TIAM2: variants seen among roughly 807,000 people sequenced by gnomAD.
The protein encoded by TIAM2 is TIAM Rac1 associated GEF 2, also known as rho guanine nucleotide exchange factor TIAM2.
Under a neutral mutation model 152.9 loss-of-function variants are expected in TIAM2, and 80 were observed. The observed-to-expected ratio is 0.52, with a 90% CI of 0.44 to 0.63. The LOEUF (loss-of-function observed/expected upper bound fraction) is 0.63, where lower values mean the gene tolerates loss of function less well. TIAM2 is among the 30% of genes least tolerant of loss of function. The pLI is 0.00. For missense variants in TIAM2, 1,965 were observed against 2,120.1 expected, an observed-to-expected ratio of 0.93 and a Z score of 1.44; for synonymous variants, 804 against 838.0, an observed-to-expected ratio of 0.96 and a Z score of 0.70.
chr6:155,215,336 C>T lies in TIAM2; in HGVS notation c.3168+4029C>T, dbSNP rs951637218. Among the ~76,000 whole-genome samples, 11 of 152,246 alleles carry T rather than the reference C, an allele frequency of 7.2e-5. 4 individuals carry two copies. Among genetic ancestry groups the T allele is most frequent in the Admixed American group, 6.5e-4 (10 of 15,282 alleles). On this transcript the variant is annotated intron_variant, in intron 15 of 26. Transcript: ENST00000682666. ...GCAATCAGGTTGAAATTGGGGCCGT[C>T]TGAGCTTCAATTTTCATTGTTAAAA... is the stretch of plus-strand genomic sequence containing the variant.
intron 9 of TIAM2, among the ~76,000 whole-genome samples, chr6:155,175,490 G>T (rs1206931972): frequency 6.6e-6 from 1 of 152,276 alleles, no homozygotes; most frequent in East Asian, 1.9e-4. Flanking sequence ...GGTATGTAAG[G>T]TGTTTCACAT....
chr6:155,131,842 A>C (rs1400465839), intron 4 of TIAM2, among the ~76,000 whole-genome samples: 1 of 152,098 alleles, frequency 6.6e-6, no homozygotes, highest in Non-Finnish European at 1.5e-5. Context: ...GCCTCCCAAC[A>C]TGCTGGGATT....
Position 155,137,423 on chromosome 6 carries a change from GA to G in TIAM2, c.1444del (p.Thr482ProfsTer59). On this transcript the variant is annotated frameshift_variant, in exon 5 of 27. Transcript: ENST00000682666. LOFTEE classifies it high-confidence loss of function. ...CACTGAGAACATAGAAACATCTACA[GA>G]AACCGCCGAGTCCAGCAGCGAGTCA... ...TNTENIETST[E>X]TAESSSESLS... is the part of the protein sequence containing the mutation. 6.2e-7 allele frequency: 1 copy of G among 1,614,234 alleles called. No individual in the cohort carries two copies. Among genetic ancestry groups the G allele is most frequent in the Non-Finnish European group, 8.5e-7 (1 of 1,180,032 alleles).
intron 1 of TIAM2, among the ~76,000 whole-genome samples, chr6:154,997,331 G>T (rs1396067494): frequency 6.6e-6 from 1 of 152,112 alleles, no homozygotes; most frequent in Non-Finnish European, 1.5e-5. Context: ...ACACATTTTT[G>T]TATATACCTC....
chr6:155,145,820 G>A (rs937278826), intron 6 of TIAM2, among the ~76,000 whole-genome samples: 2 of 152,138 alleles, frequency 1.3e-5, no homozygotes, highest in East Asian at 3.8e-4. Flanking sequence ...CCAGTGCTGG[G>A]TTAAGCTCCC....
intron 1 of TIAM2, among the ~76,000 whole-genome samples, chr6:155,024,632 G>A (rs575242018): frequency 7.2e-6 from 1 of 139,400 alleles, no homozygotes; most frequent in East Asian, 2.1e-4. Context: ...ACACTCAAAT[G>A]TGGTATAAAT....
intron 1 of TIAM2, among the ~76,000 whole-genome samples, chr6:155,066,682 T>C (rs1777699970): frequency 6.6e-6 from 1 of 152,186 alleles, no homozygotes; most frequent in African/African-American, 2.4e-5. Context: ...TGTGTATATA[T>C]ATAATTTTTT....
At chr6:155,061,746 G>T (rs1365965505) in intron 1 of TIAM2, among the ~76,000 whole-genome samples, 1 of 152,128 alleles carries the variant, frequency 6.6e-6, no homozygotes, top group Non-Finnish European at 1.5e-5. Context: ...TATATTTCCA[G>T]CGAAGTTACT....
intron 15 of TIAM2, among the ~76,000 whole-genome samples, chr6:155,222,334 C>T (rs1296963767): frequency 8.8e-6 from 1 of 113,994 alleles, no homozygotes; most frequent in East Asian, 2.7e-4. Context: ...GTGGGCGTGG[C>T]TCACGCCTGT....
intron 17 of TIAM2, 106 bp downstream of exon 17, chr6:155,244,185 C>A: frequency 1.8e-6 from 2 of 1,119,254 alleles, no homozygotes; most frequent in Non-Finnish European, 2.7e-6. Flanking sequence ...AAAAGAACAT[C>A]CCAAGACTTA....
chr6:155,045,068 T>C (rs1337920258), intron 1 of TIAM2, among the ~76,000 whole-genome samples: 194 of 143,876 alleles, frequency 1.3e-3, no homozygotes, highest in African/African-American at 3.8e-3. Context: ...TTTTTTTTTT[T>C]GAGACAGAGT....
At chr6:155,052,285 A>T (rs1777335716) in intron 1 of TIAM2, among the ~76,000 whole-genome samples, 1 of 152,200 alleles carries the variant, frequency 6.6e-6, no homozygotes, top group South Asian at 2.1e-4. Context: ...TTTTACTTTT[A>T]CTTGTACCAT....
chr6:155,009,424 G>T (rs1778451484), intron 1 of TIAM2, among the ~76,000 whole-genome samples: 1 of 151,964 alleles, frequency 6.6e-6, no homozygotes, highest in African/African-American at 2.4e-5. Context: ...ATCTGAGTTC[G>T]GCCTGATAAT....
Position 155,256,802 on chromosome 6 carries a change from G to T in TIAM2, c.4787G>T (p.Arg1596Met), listed in dbSNP as rs748792324. 2 of 1,614,212 alleles carry T rather than the reference G, an allele frequency of 1.2e-6. No individual in the cohort carries two copies. Among genetic ancestry groups the T allele is most frequent in the African/African-American group, 2.7e-5 (2 of 75,040 alleles). The change falls in exon 27 of 27, where the codon AGG becomes ATG. Residue 1596 changes from arginine (R) to methionine (M), a missense_variant. Arg to Met is a moderately conservative substitution (Grantham distance 91, BLOSUM62 -1). This residue lies in a region of TIAM2 where 935 missense variants were observed against 980.0 expected (regional missense o/e 0.95). Transcript: ENST00000682666. Reference sequence around the variant, plus strand: ...ATCGAAATTCAGTTCCAGAGACTGAGGATTTCCGAGGACCCAGACGTTCAC... The same window carrying T: ...ATCGAAATTCAGTTCCAGAGACTGATGATTTCCGAGGACCCAGACGTTCAC... ...KDIEIQFQRLRISEDPDVHPE... is the reference protein window; with the variant it reads ...KDIEIQFQRLMISEDPDVHPE...
intron 1 of TIAM2, among the ~76,000 whole-genome samples, chr6:155,012,802 C>A (rs188530441): frequency 6.6e-6 from 1 of 152,170 alleles, no homozygotes; most frequent in African/African-American, 2.4e-5. Context: ...CCGCCCTACT[C>A]GGGCTCCCAA....
intron 1 of TIAM2, among the ~76,000 whole-genome samples, chr6:155,066,371 A>G (rs1583174525): frequency 2.0e-5 from 3 of 152,262 alleles, no homozygotes; most frequent in African/African-American, 7.2e-5. Context: ...ACATCACATT[A>G]CATGTGAGTC....
intron 14 of TIAM2, among the ~76,000 whole-genome samples, chr6:155,205,310 G>A (rs1422880400): frequency 7.0e-6 from 1 of 143,812 alleles, no homozygotes; most frequent in Non-Finnish European, 1.5e-5. Context: ...TTAATATCAT[G>A]TTGAAATTTT....
intron 2 of TIAM2, among the ~76,000 whole-genome samples, chr6:155,112,461 C>T: frequency 6.6e-6 from 1 of 152,094 alleles, no homozygotes; most frequent in Non-Finnish European, 1.5e-5. Context: ...CACCAACTGC[C>T]CCTTCTGTCT....
chr6:155,139,871 C>T (rs923521657), intron 5 of TIAM2, among the ~76,000 whole-genome samples: 3 of 152,146 alleles, frequency 2.0e-5, no homozygotes, highest in Non-Finnish European at 2.9e-5. Context: ...ACCTGGGAGG[C>T]GGAGGTTGCA....
Sources: allele counts gnomAD v4.1 joint callset (sites outside exome capture counted in the v4.1 genomes callset), GRCh38; gene constraint gnomAD v4.1.1; regional missense constraint gnomAD v4.1.1; transcripts MANE v1.5; gene names NCBI Gene and HGNC (gene_info 2026-07-23, HGNC 2026-07-21).